The following MAGI1 variants were observed in gnomAD, a reference collection of about 807,000 sequenced individuals.
The protein encoded by MAGI1 is membrane associated guanylate kinase, WW and PDZ domain containing 1, also known as membrane-associated guanylate kinase, WW and PDZ domain-containing protein 1.
Under a neutral mutation model 139.9 loss-of-function variants are expected in MAGI1, and 58 were observed. That is an observed-to-expected ratio of 0.41 (90% CI 0.34 to 0.52). MAGI1 has a LOEUF of 0.52. Among genes scored for constraint, MAGI1 ranks in the 20% least tolerant of loss-of-function variants. MAGI1 has a pLI of 0.12. For missense variants in MAGI1, 1,874 were observed against 1,901.6 expected, an observed-to-expected ratio of 0.99 and a Z score of 0.27; for synonymous variants, 812 against 737.9, an observed-to-expected ratio of 1.10 and a Z score of -1.63.
chr3:65,525,010 G>A (rs1212501625), intron 2 of MAGI1, among the ~76,000 whole-genome samples: 1 of 152,080 alleles, frequency 6.6e-6, no homozygotes, highest in Admixed American at 6.5e-5. Context: ...CACCATCGAG[G>A]TTCACTTGTG....
At chr3:66,019,011 T>TTCAC (rs2067823862) in intron 1 of MAGI1, among the ~76,000 whole-genome samples, 2 of 152,222 alleles carry the variant, frequency 1.3e-5, no homozygotes, top group African/African-American at 4.8e-5. Flanking sequence ...GGTTCATTCA[T>TTCAC]TCACTCATTC....
chr3:65,963,011 T>C (rs1416425885), intron 1 of MAGI1, among the ~76,000 whole-genome samples: 1 of 150,644 alleles, frequency 6.6e-6, no homozygotes, highest in African/African-American at 2.4e-5. Flanking sequence ...ATGAAGTAAT[T>C]TGTTCAGAGA....
intron 1 of MAGI1, chr3:65,874,402 T>A (rs1191264291): frequency 1.3e-5 from 2 of 152,202 alleles, no homozygotes; most frequent in African/African-American, 4.8e-5. Flanking sequence ...CCACAACATA[T>A]AAAGAACTGT....
chr3:65,498,692 A>G (rs1350628401), intron 2 of MAGI1, among the ~76,000 whole-genome samples: 1 of 152,240 alleles, frequency 6.6e-6, no homozygotes, highest in South Asian at 2.1e-4. Context: ...GCAATGTGAC[A>G]GCAGCATCCC....
intron 1 of MAGI1, among the ~76,000 whole-genome samples, chr3:66,022,353 C>A (rs538157059): frequency 6.6e-6 from 1 of 152,250 alleles, no homozygotes; most frequent in East Asian, 1.9e-4. Context: ...ATGAATTTTT[C>A]CTTTGCTGGG....
intron 1 of MAGI1, among the ~76,000 whole-genome samples, chr3:65,917,197 T>C (rs2061948416): frequency 6.6e-6 from 1 of 152,170 alleles, no homozygotes; most frequent in African/African-American, 2.4e-5. Flanking sequence ...CCTCTATCCT[T>C]CTACATCACT....
At position 65,355,585 on chromosome 3, in the gene MAGI1, G is replaced by C. The variant is rs887046653; in HGVS notation, c.*793C>G. On this transcript the variant is annotated 3_prime_UTR_variant, in exon 23 of 23. Coordinates refer to ENST00000402939, the MANE Select transcript of MAGI1 (RefSeq NM_001033057.2). ...CTCTTCCTCGTAGTAATTGAGCAAA[G>C]CTGTGATGGCATTGCCTTCAATGAG... is the stretch of plus-strand genomic sequence containing the variant. The C allele has an allele frequency of 6.6e-6, 1 of 152,622 alleles. No individual in the cohort carries two copies. Among genetic ancestry groups the C allele is most frequent in the Non-Finnish European group, 1.5e-5 (1 of 68,046 alleles). The allele number at this position is 152,622 out of a possible 1,614,324, so 9.5% of individuals were successfully genotyped here. A position where few individuals can be genotyped will look rare whatever the true frequency, so the allele number is the denominator to read the frequency against.
chr3:65,966,179 A>C (rs747902558), intron 1 of MAGI1, among the ~76,000 whole-genome samples: 1 of 152,212 alleles, frequency 6.6e-6, no homozygotes, highest in Non-Finnish European at 1.5e-5. Context: ...TCAGAAGCTA[A>C]ACAGGTGACC....
chr3:65,407,604 T>C (rs1945457980), intron 12 of MAGI1, among the ~76,000 whole-genome samples: 1 of 152,086 alleles, frequency 6.6e-6, no homozygotes, highest in Non-Finnish European at 1.5e-5. Flanking sequence ...ATATAAGACA[T>C]GAACAGCAGG....
At position 65,859,906 on chromosome 3, in the gene MAGI1, G is replaced by GTT. The variant is rs1173504987; in HGVS notation, c.313+178088_313+178089dup. Among the ~76,000 whole-genome samples, 16 of 126,536 alleles carry GTT rather than the reference G, an allele frequency of 1.3e-4. No homozygotes were observed. In the South Asian group the frequency reaches 1.3e-3, roughly 10 times the overall value. The allele number at this position is 126,536 out of a possible 152,430, so 83.0% of individuals were successfully genotyped here. ...TGTTTTTTTGTTTGTTTTTGTTTTT[G>GTT]TTTTTTTTTTTTTGAGACACAATTT... On this transcript the variant is annotated intron_variant, in intron 1 of 22. Transcript: ENST00000402939.
intron 1 of MAGI1, among the ~76,000 whole-genome samples, chr3:65,679,760 A>G (rs1343943923): frequency 1.3e-5 from 2 of 152,188 alleles, no homozygotes; most frequent in Non-Finnish European, 2.9e-5. Flanking sequence ...GTGGGGGGAA[A>G]TGTCACCAAA....
intron 1 of MAGI1, among the ~76,000 whole-genome samples, chr3:65,989,682 C>T (rs1285405089): frequency 6.6e-6 from 1 of 152,118 alleles, no homozygotes; most frequent in Non-Finnish European, 1.5e-5. Context: ...GGATTACAGG[C>T]ACCAGCCACC....
intron 1 of MAGI1, among the ~76,000 whole-genome samples, chr3:65,766,523 G>A (rs769241098): frequency 1.3e-5 from 2 of 152,226 alleles, no homozygotes; most frequent in South Asian, 2.1e-4. Context: ...TTAGGCCTCC[G>A]AAAGTGCTGG....
At chr3:65,446,859 T>C (rs563051253) in intron 7 of MAGI1, among the ~76,000 whole-genome samples, 15 of 152,348 alleles carry the variant, frequency 9.8e-5, no homozygotes, top group African/African-American at 1.7e-4. Flanking sequence ...TCAATAGTTA[T>C]TGACCATTGT....
chr3:65,529,178 G>C (rs2078521002), intron 2 of MAGI1, among the ~76,000 whole-genome samples: 1 of 151,396 alleles, frequency 6.6e-6, no homozygotes, highest in Non-Finnish European at 1.5e-5. Context: ...AAAAGAAAGA[G>C]ATTTTGAGTA....
intron 1 of MAGI1, among the ~76,000 whole-genome samples, chr3:65,640,505 G>A (rs780033255): frequency 1.3e-4 from 20 of 152,096 alleles, no homozygotes; most frequent in East Asian, 3.9e-4. Flanking sequence ...AAATTAATTC[G>A]GCTGTGCTTC....
Position 65,906,810 on chromosome 3 carries a change from C to A in MAGI1, c.313+131186G>T, listed in dbSNP as rs568365921. On this transcript the variant is annotated intron_variant, in intron 1 of 22. Transcript: ENST00000402939. ...CTGAGGTAAGAGAATTGCTTGAACC[C>A]AGGAGGTGGAGGTTGCAGTGAGCCA... 1.4e-4 allele frequency among the ~76,000 whole-genome samples: 21 copies of A among 151,292 alleles called. No homozygotes were observed. In the East Asian group the frequency reaches 4.1e-3, roughly 29 times the overall value.
intron 1 of MAGI1, among the ~76,000 whole-genome samples, chr3:66,025,276 C>G (rs144650194): frequency 6.6e-6 from 1 of 152,154 alleles, no homozygotes; most frequent in African/African-American, 2.4e-5. Context: ...CAGTGGCCCA[C>G]GCCTGTAATC....
intron 4 of MAGI1, among the ~76,000 whole-genome samples, chr3:65,476,906 G>C (rs1000526190): frequency 6.6e-6 from 1 of 152,196 alleles, no homozygotes; most frequent in Admixed American, 6.5e-5. Flanking sequence ...ATAGGTACAA[G>C]GTGGCAAATT....
Sources: allele counts gnomAD v4.1 joint callset (sites outside exome capture counted in the v4.1 genomes callset), GRCh38; gene constraint gnomAD v4.1.1; transcripts MANE v1.5; gene names NCBI Gene and HGNC (gene_info 2026-07-23, HGNC 2026-07-21).